SPECC1: variants seen among roughly 807,000 people sequenced by gnomAD.
SPECC1 encodes sperm antigen with calponin homology and coiled-coil domains 1.
In SPECC1, 62 loss-of-function variants were observed where a neutral mutation model predicts 104.1. The ratio of observed to expected loss-of-function variants is 0.60; its 90% CI spans 0.49 to 0.74. SPECC1 has a LOEUF of 0.74. Among genes scored for constraint, SPECC1 ranks in the 30% least tolerant of loss-of-function variants. The probability of loss-of-function intolerance (pLI) is 0.00; values close to 1 mark genes in which losing one functional copy is unlikely to be tolerated. For synonymous variants in SPECC1, 513 were observed against 501.6 expected (o/e 1.02, Z -0.30); for missense variants, 1,306 against 1,310.5 (o/e 1.00, Z 0.05).
At chr17:20,113,001 G>A in intron 3 of SPECC1, 1 of 928,098 alleles carries the variant, frequency 1.1e-6, no homozygotes, top group East Asian at 2.4e-5. Flanking sequence ...GAATTTTAGG[G>A]GCTGGAGGAA....
chr17:20,084,430 C>T (rs983001943), intron 1 of SPECC1, among the ~76,000 whole-genome samples: 3 of 151,926 alleles, frequency 2.0e-5, no homozygotes, highest in African/African-American at 4.8e-5. Context: ...GGGAAGACTC[C>T]GTCTCAATAA....
At chr17:20,171,494 C>CTT (rs1178813481) in intron 3 of SPECC1, among the ~76,000 whole-genome samples, 1 of 152,126 alleles carries the variant, frequency 6.6e-6, no homozygotes, top group Non-Finnish European at 1.5e-5. Flanking sequence ...GAAAACAGGG[C>CTT]TTGAAGTATC....
chr17:20,132,709 GTAGTTATT>G (rs1291097547), intron 3 of SPECC1, among the ~76,000 whole-genome samples: 6 of 141,560 alleles, frequency 4.2e-5, no homozygotes, highest in African/African-American at 5.4e-5. Flanking sequence ...AATTTTATGT[GTAGTTATT>G]TATTTATTTA....
At chr17:20,166,446 T>C (rs1184432161) in intron 3 of SPECC1, among the ~76,000 whole-genome samples, 2 of 152,168 alleles carry the variant, frequency 1.3e-5, no homozygotes, top group Non-Finnish European at 2.9e-5. Flanking sequence ...AAAGTTGACA[T>C]TTTAAAAACT....
chr17:20,265,171 C>T (rs2040177591), intron 12 of SPECC1, among the ~76,000 whole-genome samples: 1 of 152,120 alleles, frequency 6.6e-6, no homozygotes, highest in Non-Finnish European at 1.5e-5. Context: ...TTTTTAGTAC[C>T]TTGAGAAATC....
intron 3 of SPECC1, among the ~76,000 whole-genome samples, chr17:20,159,510 C>T (rs2152575367): frequency 6.6e-6 from 1 of 152,262 alleles, no homozygotes; most frequent in South Asian, 2.1e-4. Context: ...GAGATTGCAC[C>T]ATCTTTTCCA....
At chr17:20,139,234 T>C (rs764136867) in intron 3 of SPECC1, among the ~76,000 whole-genome samples, 2 of 152,244 alleles carry the variant, frequency 1.3e-5, no homozygotes, top group Non-Finnish European at 2.9e-5. Context: ...GGTTACAAGA[T>C]AGACAGAAGT....
rs556241036 is a variant in SPECC1 at position 20,025,675 on chromosome 17, T to C, written c.-22+16251T>C. Among the ~76,000 whole-genome samples, 9 of 152,324 alleles carry C rather than the reference T, an allele frequency of 5.9e-5. No individual in the cohort carries two copies. In the South Asian group the frequency reaches 1.5e-3, roughly 25 times the overall value. On this transcript the variant is annotated intron_variant, in intron 1 of 14. Coordinates refer to ENST00000395527, the MANE Select transcript of SPECC1 (RefSeq NM_001243439.2). ...TGAATAATGTTGCTATAAATGCCCA[T>C]GTACAAGTTTTTATGTGGATATATG...
chr17:20,170,873 A>G (rs917684916), intron 3 of SPECC1, among the ~76,000 whole-genome samples: 1 of 152,162 alleles, frequency 6.6e-6, no homozygotes, highest in African/African-American at 2.4e-5. Context: ...ACTGGTACCA[A>G]CCACCTCCAA....
In SPECC1 at chr17:20,051,124, CT is replaced by C. The variant is rs1567813534; in HGVS notation, c.-22+41703del. Among the ~76,000 whole-genome samples the C allele has an allele frequency of 3.8e-3, 450 of 119,352 alleles. 2 individuals are homozygous for C. Among genetic ancestry groups the C allele is most frequent in the African/African-American group, 7.4e-3 (220 of 29,690 alleles). The allele number at this position is 119,352 out of a possible 152,430, so 78.3% of individuals were successfully genotyped here. Reference sequence around the variant, plus strand: ...TCTTTCTTTCTTTCTTTCTTTCTTTCTTTCTTTCTTTCTTTCCTTCTTTCCT... The same window carrying C: ...TCTTTCTTTCTTTCTTTCTTTCTTTCTTCTTTCTTTCTTTCCTTCTTTCCT... On this transcript the variant is annotated intron_variant, in intron 1 of 14. Coordinates refer to ENST00000395527, the MANE Select transcript of SPECC1 (RefSeq NM_001243439.2).
At chr17:20,193,259 T>C (rs890966139) in intron 3 of SPECC1, among the ~76,000 whole-genome samples, 1 of 152,218 alleles carries the variant, frequency 6.6e-6, no homozygotes, top group Admixed American at 6.5e-5. Context: ...CAGCCTGTTA[T>C]ATCAGCAAGG....
rs180776739 is a variant in SPECC1 at position 20,131,856 on chromosome 17, C to G, written c.283+21294C>G. ...GTAGAGACGGGGTTTCACTGTGTTG[C>G]CCAGGCTGGTCTTGAACTCCTGAGC... is the stretch of plus-strand genomic sequence containing the variant. On this transcript the variant is annotated intron_variant, in intron 3 of 14. Coordinates refer to ENST00000395527, the MANE Select transcript of SPECC1 (RefSeq NM_001243439.2). Among the ~76,000 whole-genome samples the G allele has an allele frequency of 1.1e-3, 163 of 152,064 alleles. 2 individuals are homozygous for G. The highest frequency in any genetic ancestry group is 1.1e-3 in the Admixed American group (17 of 15,282).
At chr17:20,021,696 A>AT (rs1429247545) in intron 1 of SPECC1, among the ~76,000 whole-genome samples, 8 of 111,726 alleles carry the variant, frequency 7.2e-5, no homozygotes, top group African/African-American at 3.3e-4. Context: ...ATATATATAT[A>AT]TATATATTTT....
intron 7 of SPECC1, chr17:20,239,537 C>G (rs1275286851): frequency 6.3e-6 from 1 of 158,460 alleles, no homozygotes; most frequent in Non-Finnish European, 1.4e-5. Context: ...AGGATATGTC[C>G]TGGAATATTA....
chr17:20,245,424 G>A (rs996068674), intron 7 of SPECC1, among the ~76,000 whole-genome samples: 3 of 152,022 alleles, frequency 2.0e-5, no homozygotes, highest in Non-Finnish European at 4.4e-5. Flanking sequence ...TCCCACTCCA[G>A]GTCTTGCCCA....
chr17:20,107,826 A>G (rs1454980578), intron 2 of SPECC1, among the ~76,000 whole-genome samples: 1 of 152,050 alleles, frequency 6.6e-6, no homozygotes, highest in Non-Finnish European at 1.5e-5. Flanking sequence ...GCGCTCGACC[A>G]TGTGATCCCA....
At chr17:20,149,547 T>A (rs1029573261) in intron 3 of SPECC1, among the ~76,000 whole-genome samples, 1 of 152,238 alleles carries the variant, frequency 6.6e-6, no homozygotes, top group Non-Finnish European at 1.5e-5. Context: ...CTGGAAGAAT[T>A]AAGCACACCC....
At chr17:20,237,015 T>C in intron 7 of SPECC1, 1 of 1,548,832 alleles carries the variant, frequency 6.5e-7, no homozygotes, top group Non-Finnish European at 8.7e-7. Flanking sequence ...CCTTGTGACA[T>C]TCTCTGTTTC....
At chr17:20,110,246 T>C (rs1034333856) in intron 2 of SPECC1, among the ~76,000 whole-genome samples, 181 bp from the exon 3 acceptor site, 52 of 152,252 alleles carry the variant, frequency 3.4e-4, no homozygotes, top group Admixed American at 3.1e-3. Flanking sequence ...GGACCTGTTA[T>C]GACAGAAACA....
Sources: allele counts gnomAD v4.1 joint callset (sites outside exome capture counted in the v4.1 genomes callset), GRCh38; gene constraint gnomAD v4.1.1; transcripts MANE v1.5; gene names NCBI Gene and HGNC (gene_info 2026-07-23, HGNC 2026-07-21).